The following DDRGK1 variants were observed in gnomAD, a reference collection of about 807,000 sequenced individuals.
DDRGK1 encodes the protein DDRGK domain containing 1.
Under a neutral mutation model 45.8 loss-of-function variants are expected in DDRGK1, and 38 were observed. The observed-to-expected ratio is 0.83, with a 90% CI of 0.64 to 1.09. The LOEUF is 1.09. Among genes scored for constraint, DDRGK1 ranks in the 50% least tolerant of loss-of-function variants. The pLI, the probability that DDRGK1 is intolerant of heterozygous loss-of-function variation, is 0.00. For synonymous variants in DDRGK1, 171 were observed against 168.7 expected, an observed-to-expected ratio of 1.01 and a Z score of -0.11; for missense variants, 403 against 419.9, an observed-to-expected ratio of 0.96 and a Z score of 0.35.
At chr20:3,196,832 T>C (rs2067013019) in intron 4 of DDRGK1, among the ~76,000 whole-genome samples, 1 of 150,772 alleles carries the variant, frequency 6.6e-6, no homozygotes, top group Admixed American at 6.7e-5. Context: ...GGGCTCCCAA[T>C]GGTCAAAGCT....
chr20:3,198,178 C>A (rs184859781), intron 4 of DDRGK1, among the ~76,000 whole-genome samples: 169 of 146,420 alleles, frequency 1.2e-3, no homozygotes, highest in Non-Finnish European at 1.2e-4. Context: ...GAAGCCAAGG[C>A]AGGAGGATCA....
At chr20:3,191,613 C>T in intron 7 of DDRGK1, 152 bp downstream of exon 7, 1 of 919,294 alleles carries the variant, frequency 1.1e-6, no homozygotes, top group Non-Finnish European at 1.8e-6. Context: ...ATGCAGGATT[C>T]CCAGGGTGCC....
In DDRGK1 at chr20:3,203,313, C is replaced by G. The variant is rs1238693280; in HGVS notation, c.195G>C (p.Arg65=). 6.2e-7 allele frequency: 1 copy of G among 1,608,240 alleles called. No homozygotes were observed. The highest frequency in any genetic ancestry group is 8.5e-7 in the Non-Finnish European group (1 of 1,177,144). The change falls in exon 2 of 9, where the codon CGG becomes CGC. Residue 65 remains arginine (R), a synonymous_variant. Coordinates refer to ENST00000354488, the MANE Select transcript of DDRGK1 (RefSeq NM_023935.3). ...PEEPRAGGRP[R]RRRDLGSRLQ... The stretch of plus-strand genomic sequence containing the variant: ...GGCGGCTGCCCAGGTCCCTCCGGCG[C>G]CGAGGCCTGCCTCCAGCTCTCGGCT...
chr20:3,198,266 C>G (rs1046952700), intron 4 of DDRGK1, among the ~76,000 whole-genome samples: 1 of 151,398 alleles, frequency 6.6e-6, no homozygotes, highest in Admixed American at 6.6e-5. Flanking sequence ...ATTAGCTGAG[C>G]GTGGTGGTGC....
intron 1 of DDRGK1, 149 bp downstream of exon 1, chr20:3,204,388 C>T (rs981386257): frequency 6.2e-5 from 47 of 760,368 alleles, no homozygotes; most frequent in Non-Finnish European, 9.4e-5. Flanking sequence ...ACTGCGGAAG[C>T]CCCACCCGGC....
At chr20:3,201,558 G>C (rs2067039657) in intron 2 of DDRGK1, among the ~76,000 whole-genome samples, 2 of 151,944 alleles carry the variant, frequency 1.3e-5, no homozygotes, top group South Asian at 4.1e-4. Context: ...ATATGCAAGT[G>C]TCTCGGGGTC....
At chr20:3,191,958 A>G (rs896900354) in intron 6 of DDRGK1, 137 bp from the exon 7 acceptor site, 10 of 705,756 alleles carry the variant, frequency 1.4e-5, no homozygotes, top group Non-Finnish European at 2.3e-5. Flanking sequence ...CCTGTAGGAC[A>G]GCCTTGCTCC....
At chr20:3,194,919 T>C (rs1253979336) in intron 5 of DDRGK1, 51 bp from the exon 6 acceptor site, 1 of 1,604,776 alleles carries the variant, frequency 6.2e-7, no homozygotes, top group Admixed American at 1.7e-5. Flanking sequence ...GCCCACAGGG[T>C]TCTGTACCCA....
chr20:3,190,662 G>A lies in DDRGK1; in HGVS notation c.936C>T (p.Ala312=), dbSNP rs1238502802. 3.1e-6 allele frequency: 5 copies of A among 1,613,648 alleles called. No individual in the cohort carries two copies. The highest frequency in any genetic ancestry group is 4.2e-6 in the Non-Finnish European group (5 of 1,180,000). ...IAWGRESPAQ[A]PA is the part of the protein sequence containing the mutation. ...GAGGGAAGGACTGGGGTCAGGCTGG[G>A]GCTTGGGCAGGGGACTCCCGGCCCC... The change falls in exon 9 of 9, where the codon GCC becomes GCT. Residue 312 remains alanine, a synonymous_variant. Transcript: ENST00000354488.
chr20:3,193,647 A>G (rs78781383), intron 6 of DDRGK1, among the ~76,000 whole-genome samples: 3,372 of 152,300 alleles, frequency 0.022, 126 homozygotes, highest in African/African-American at 0.076. Flanking sequence ...CTGGGATTGC[A>G]GGCGTGAGCC....
intron 2 of DDRGK1, 125 bp downstream of exon 2, chr20:3,203,088 G>T: frequency 4.5e-6 from 4 of 885,596 alleles, no homozygotes; most frequent in Non-Finnish European, 6.6e-6. Context: ...CTACTCTACC[G>T]TGTGGCTCCC....
rs895177331 is a variant in DDRGK1 at position 3,190,918 on chromosome 20, T to G, written c.779-99A>C. The G allele has an allele frequency of 1.0e-5, 15 of 1,472,536 alleles. No homozygotes were observed. The Admixed American group carries it at 2.0e-4, about 20-fold the overall frequency. The allele number at this position is 1,472,536 out of a possible 1,614,324, so 91.2% of individuals were successfully genotyped here. ...TCCTTCACAGCTGGCTCAGGGCCCT[T>G]CCGGCCTCCTGCCTGCCTGGACTTT... On this transcript the variant is annotated intron_variant, in intron 8 of 8. Coordinates refer to ENST00000354488, the MANE Select transcript of DDRGK1 (RefSeq NM_023935.3).
At chr20:3,197,279 G>A (rs1162782829) in intron 4 of DDRGK1, among the ~76,000 whole-genome samples, 2 of 148,262 alleles carry the variant, frequency 1.3e-5, no homozygotes, top group Non-Finnish European at 3.0e-5. Context: ...TAGGGAAGGA[G>A]AGACATATCT....
At chr20:3,191,321 A>G (rs2066988516) in intron 7 of DDRGK1, 83 bp from the exon 8 acceptor site, 3 of 1,452,846 alleles carry the variant, frequency 2.1e-6, no homozygotes, top group Non-Finnish European at 2.9e-6. Context: ...CACTACAGCC[A>G]AATCTCTTTA....
intron 2 of DDRGK1, 121 bp downstream of exon 2, chr20:3,203,092 G>A (rs1458073754): frequency 2.1e-6 from 2 of 932,030 alleles, no homozygotes; most frequent in Non-Finnish European, 3.1e-6. Context: ...TCTACCGTGT[G>A]GCTCCCAGAC....
chr20:3,203,933 C>T (rs1380966714), intron 1 of DDRGK1, among the ~76,000 whole-genome samples: 1 of 152,182 alleles, frequency 6.6e-6, no homozygotes, highest in Non-Finnish European at 1.5e-5. Flanking sequence ...TATACAAACC[C>T]GCCCGCTGAC....
In DDRGK1 at chr20:3,200,591, C is replaced by T. The variant is rs928832499; in HGVS notation, c.296-137G>A. ...GCAAATGTCACTAGCCCAGCTCTGCCCTCCAGAGGCATCTGCCATGAGTGC... is the reference window on the plus strand; with the variant it reads ...GCAAATGTCACTAGCCCAGCTCTGCTCTCCAGAGGCATCTGCCATGAGTGC... On this transcript the variant is annotated intron_variant, in intron 2 of 8. Transcript: ENST00000354488. 2.4e-5 allele frequency: 17 copies of T among 710,994 alleles called. No individual in the cohort carries two copies. The African/African-American group carries it at 3.0e-4, about 13-fold the overall frequency. The allele number at this position is 710,994 out of a possible 1,614,324, so 44.0% of individuals were successfully genotyped here.
chr20:3,201,736 C>A (rs1192854974), intron 2 of DDRGK1, among the ~76,000 whole-genome samples: 1 of 150,464 alleles, frequency 6.6e-6, no homozygotes, highest in Admixed American at 6.6e-5. Context: ...CGGCTCGCTG[C>A]AAGCACCACC....
chr20:3,197,667 C>CCT (rs2067017326), intron 4 of DDRGK1, among the ~76,000 whole-genome samples: 2 of 151,958 alleles, frequency 1.3e-5, no homozygotes, highest in African/African-American at 4.8e-5. Flanking sequence ...CAGTGGCTCA[C>CCT]ACATGTAATC....
Sources: allele counts gnomAD v4.1 joint callset (sites outside exome capture counted in the v4.1 genomes callset), GRCh38; gene constraint gnomAD v4.1.1; transcripts MANE v1.5; gene names NCBI Gene and HGNC (gene_info 2026-07-23, HGNC 2026-07-21).